The following JADE1 variants were observed in gnomAD, a reference collection of about 807,000 sequenced individuals.
JADE1 encodes jade family PHD finger 1, also known as protein Jade-1.
In JADE1, 14 loss-of-function variants were observed where a neutral mutation model predicts 81.8. The observed-to-expected ratio is 0.17, with a 90% confidence interval of 0.11 to 0.27. JADE1 has a LOEUF of 0.27. Ranked by LOEUF, JADE1 falls within the 10% of genes least tolerant of loss-of-function variation. The probability of loss-of-function intolerance (pLI) is 1.00; values close to 1 mark genes in which losing one functional copy is unlikely to be tolerated. For missense variants in JADE1, 690 were observed against 1,047.9 expected (o/e 0.66, Z 4.71); for synonymous variants, 353 against 391.9 (o/e 0.90, Z 1.17).
intron 1 of JADE1, among the ~76,000 whole-genome samples, chr4:128,828,949 A>T (rs1728301643): frequency 6.6e-6 from 1 of 152,072 alleles, no homozygotes; most frequent in African/African-American, 2.4e-5. Flanking sequence ...CCAGCCTAGT[A>T]CTAATTTTTT....
At chr4:128,830,501 T>C (rs1246998183) in intron 1 of JADE1, among the ~76,000 whole-genome samples, 1 of 152,162 alleles carries the variant, frequency 6.6e-6, no homozygotes. Flanking sequence ...CCCAAAGTGC[T>C]GGGATTACAG....
At chr4:128,831,906 T>A in intron 2 of JADE1, 96 bp downstream of exon 2, 1 of 1,112,492 alleles carries the variant, frequency 9.0e-7, no homozygotes, top group East Asian at 2.4e-5. Flanking sequence ...CTGAGGCCCT[T>A]TGCATGTCAG....
intron 1 of JADE1, among the ~76,000 whole-genome samples, chr4:128,826,535 T>G (rs1202623617): frequency 1.3e-5 from 2 of 151,084 alleles, no homozygotes; most frequent in East Asian, 1.9e-4. Flanking sequence ...TTTTTGTGTT[T>G]TTTTTTTTTT....
rs187911574 is a variant in JADE1 at position 128,866,245 on chromosome 4, C to G, written c.1504-1611C>G. ...CATCCATGTAATATTTACTATGAGACAGGGAGAGTGTTTTTATTCTCAATT... is the reference window on the plus strand; with the variant it reads ...CATCCATGTAATATTTACTATGAGAGAGGGAGAGTGTTTTTATTCTCAATT... On this transcript the variant is annotated intron_variant, in intron 9 of 10. Coordinates refer to ENST00000226319, the MANE Select transcript of JADE1 (RefSeq NM_199320.4). Among the ~76,000 whole-genome samples, 18 of 152,250 alleles carry G rather than the reference C, an allele frequency of 1.2e-4. No homozygotes were observed. The East Asian group carries it at 3.5e-3, about 29-fold the overall frequency.
intron 8 of JADE1, among the ~76,000 whole-genome samples, chr4:128,859,564 TGA>T (rs1731145013): frequency 1.0e-4 from 5 of 48,726 alleles, no homozygotes; most frequent in Admixed American, 8.2e-4. Flanking sequence ...TGTATGTGTG[TGA>T]GTATGCGTGT....
At chr4:128,842,340 C>T (rs1490761989) in intron 2 of JADE1, among the ~76,000 whole-genome samples, 4 of 151,348 alleles carry the variant, frequency 2.6e-5, no homozygotes, top group Non-Finnish European at 5.9e-5. Context: ...TGCTCTGTCC[C>T]GCAGGCTGGA....
intron 1 of JADE1, among the ~76,000 whole-genome samples, chr4:128,830,273 G>T (rs978696197): frequency 7.2e-6 from 1 of 138,468 alleles, no homozygotes; most frequent in Non-Finnish European, 1.6e-5. Context: ...GGTCTCTGTC[G>T]CCCAGGCTGG....
chr4:128,859,582 TGA>T (rs1731149477), intron 8 of JADE1, among the ~76,000 whole-genome samples: 1 of 152,248 alleles, frequency 6.6e-6, no homozygotes, highest in Non-Finnish European at 1.5e-5. Context: ...CGTGTATGTG[TGA>T]GTGTGCATGT....
chr4:128,831,598 C>T (rs751369091), intron 1 of JADE1, 135 bp from the exon 2 acceptor site: 43 of 695,566 alleles, frequency 6.2e-5, no homozygotes, highest in Non-Finnish European at 1.0e-4. Flanking sequence ...GGTCTTTTTA[C>T]TGTTTACAAT....
intron 1 of JADE1, chr4:128,831,526 C>T (rs1398388389): frequency 1.1e-5 from 6 of 537,038 alleles, no homozygotes; most frequent in East Asian, 3.2e-5. Flanking sequence ...TGTGACTTCT[C>T]CACCCCTCCC....
At chr4:128,857,495 C>T (rs553259649) in intron 8 of JADE1, 41 bp downstream of exon 8, 30 of 1,468,078 alleles carry the variant, frequency 2.0e-5, no homozygotes, top group South Asian at 1.9e-4. Flanking sequence ...TCCTTTCCTG[C>T]GTGGTGGGGA....
chr4:128,834,645 C>G (rs1485598609), intron 2 of JADE1, among the ~76,000 whole-genome samples: 3 of 149,164 alleles, frequency 2.0e-5, no homozygotes, highest in Non-Finnish European at 4.4e-5. Context: ...CACCATTCTG[C>G]TGCCTCAGCC....
intron 2 of JADE1, among the ~76,000 whole-genome samples, chr4:128,835,984 G>A (rs1728950169): frequency 6.6e-6 from 1 of 152,160 alleles, no homozygotes; most frequent in African/African-American, 2.4e-5. Flanking sequence ...ATGGAATAAT[G>A]TTGGGGTGTT....
At position 128,872,056 on chromosome 4, in the gene JADE1, G is replaced by A; in HGVS notation, c.2323G>A (p.Asp775Asn). Residue 775 changes from aspartate (D) to asparagine (N), a missense_variant, in exon 11 of 11, where the codon GAC (aspartate) becomes AAC (asparagine). Asp to Asn is a conservative substitution (Grantham distance 23). Transcript: ENST00000226319. ...AHDGACHQHS[D>N]YPYLGLGRVP... is the part of the protein sequence containing the mutation. Reference sequence around the variant, plus strand: ...CGATGGGGCCTGCCACCAGCACTCAGACTACCCATATTTGGGCTTAGGCCG... The same window carrying A: ...CGATGGGGCCTGCCACCAGCACTCAAACTACCCATATTTGGGCTTAGGCCG... The A allele has an allele frequency of 6.2e-7, 1 of 1,614,082 alleles. No homozygotes were observed. The highest frequency in any genetic ancestry group is 8.5e-7 in the Non-Finnish European group (1 of 1,180,004).
intron 3 of JADE1, among the ~76,000 whole-genome samples, chr4:128,843,940 A>T (rs550061503): frequency 1.1e-4 from 16 of 152,276 alleles, no homozygotes; most frequent in Admixed American, 1.0e-3. Context: ...GAAGTAGTTT[A>T]CATCCTTTAG....
chr4:128,852,876 CAT>C (rs1026108622), intron 6 of JADE1, among the ~76,000 whole-genome samples: 176 of 151,846 alleles, frequency 1.2e-3, no homozygotes, highest in African/African-American at 3.9e-3. Context: ...CCTTCATCAT[CAT>C]GTGTGTTCTC....
At chr4:128,813,266 A>G (rs1484824878) in intron 1 of JADE1, among the ~76,000 whole-genome samples, 2 of 152,184 alleles carry the variant, frequency 1.3e-5, no homozygotes, top group African/African-American at 4.8e-5. Context: ...TTTTGATGTA[A>G]TAATTTGTTG....
At chr4:128,827,900 C>T in intron 1 of JADE1, 4 of 985,056 alleles carry the variant, frequency 4.1e-6, no homozygotes, top group Non-Finnish European at 3.6e-6. Flanking sequence ...CTGTGTTACA[C>T]ATATGTTGGT....
chr4:128,867,733 T>C (rs1361998060), intron 9 of JADE1, 123 bp from the exon 10 acceptor site: 5 of 549,604 alleles, frequency 9.1e-6, no homozygotes, highest in Non-Finnish European at 1.6e-5. Context: ...AAGTACCTAT[T>C]GATTTCAAGT....
Sources: gnomAD v4.1 joint callset for allele counts (sites outside exome capture counted in the v4.1 genomes callset) on GRCh38, gnomAD v4.1.1 for gene constraint, MANE v1.5 for transcripts, NCBI Gene and HGNC (gene_info 2026-07-23, HGNC 2026-07-21) for gene names.